Variants in C5 observed in about 807,000 individuals in gnomAD.
C5 encodes the protein complement C5.
A neutral mutation model predicts 218.8 loss-of-function variants in C5; 140 were observed. That is an observed-to-expected ratio of 0.64 (90% confidence interval 0.56 to 0.74). The LOEUF is 0.74. C5 is among the 30% of genes least tolerant of loss of function. C5 has a pLI of 0.00. For missense variants in C5, 1,700 were observed against 1,969.6 expected (o/e 0.86, Z 2.59); for synonymous variants, 614 against 682.3 (o/e 0.90, Z 1.56).
intron 20 of C5, among the ~76,000 whole-genome samples, chr9:121,004,975 C>A (rs1282812649): frequency 1.4e-5 from 1 of 69,406 alleles, no homozygotes; most frequent in East Asian, 4.2e-4. Context: ...CAGAGCGAGA[C>A]TCCGTCTTAA....
At chr9:121,011,092 C>A (rs919121042) in intron 17 of C5, among the ~76,000 whole-genome samples, 3 of 152,122 alleles carry the variant, frequency 2.0e-5, no homozygotes, top group Admixed American at 2.0e-4. Flanking sequence ...TTGAGTAATA[C>A]CCCACTACAC....
intron 5 of C5, 34 bp downstream of exon 5, chr9:121,034,769 G>T (rs370790756): frequency 8.4e-7 from 1 of 1,194,734 alleles, no homozygotes. Context: ...CAAAAGTTCC[G>T]TATGTGGTTT....
chr9:121,054,823 C>T (rs533360614), upstream of C5, among the ~76,000 whole-genome samples: 68 of 152,010 alleles, frequency 4.5e-4, no homozygotes, highest in Middle Eastern at 3.4e-3. Context: ...CCAGGCCTTC[C>T]CTTTCTAGGC....
Position 120,956,794 on chromosome 9 carries a change from T to C in C5, c.4762+491A>G, listed in dbSNP as rs573987265. 5.3e-5 allele frequency among the ~76,000 whole-genome samples: 8 copies of C among 152,152 alleles called. No homozygotes were observed. In the East Asian group the frequency reaches 1.4e-3, roughly 26 times the overall value. ...TAACACAGTAACAGAAAACCAAATA[T>C]CACATATTTTCACTTATAAGTGGGA... On this transcript the variant is annotated intron_variant, in intron 39 of 40. Coordinates refer to ENST00000223642, the MANE Select transcript of C5 (RefSeq NM_001735.3).
chr9:121,050,049 A>T, intron 1 of C5, 133 bp downstream of exon 1: 1 of 772,864 alleles, frequency 1.3e-6, no homozygotes, highest in African/African-American at 1.7e-5. Context: ...TTTCTCATTC[A>T]GAGATGATAC....
chr9:121,070,511 A>G, the C5 span, among the ~76,000 whole-genome samples: 1 of 150,344 alleles, frequency 6.7e-6, no homozygotes, highest in Non-Finnish European at 1.5e-5. Context: ...ATATATATAT[A>G]CATACATACT....
At chr9:121,026,009 C>T (rs2047418735) in intron 8 of C5, 1 of 157,390 alleles carries the variant, frequency 6.4e-6, no homozygotes, top group African/African-American at 2.4e-5. Flanking sequence ...GGGGTTAAGT[C>T]ATATTATATT....
intron 20 of C5, among the ~76,000 whole-genome samples, chr9:121,003,272 C>G (rs970329138): frequency 1.9e-4 from 29 of 150,352 alleles, no homozygotes; most frequent in African/African-American, 7.1e-4. Context: ...GCCTGGGTGA[C>G]AGAGCAAGAC....
At chr9:120,999,365 C>A (rs1453108667) in intron 20 of C5, among the ~76,000 whole-genome samples, 1 of 152,166 alleles carries the variant, frequency 6.6e-6, no homozygotes, top group African/African-American at 2.4e-5. Flanking sequence ...ACCCTGAGGG[C>A]AGGTCCCATT....
intron 28 of C5, among the ~76,000 whole-genome samples, chr9:120,978,752 CA>C (rs1293869014): frequency 1.3e-5 from 2 of 152,164 alleles, no homozygotes; most frequent in Admixed American, 6.5e-5. Flanking sequence ...CTTTATTCTT[CA>C]AAACCAAACA....
chr9:121,032,242 T>C (rs1564160548), intron 5 of C5, 47 bp from the exon 6 acceptor site: 1 of 1,139,064 alleles, frequency 8.8e-7, no homozygotes, highest in Non-Finnish European at 1.3e-6. Context: ...CAAATGTTTT[T>C]AATTCACTCA....
chr9:121,017,868 A>C lies in C5; in HGVS notation c.1507-16T>G. ...TGGATAAAATCTAAAAATAAACAGC[A>C]GCAGCAACAATAAGTAAAAAATAAA... On this transcript the variant is annotated splice_polypyrimidine_tract_variant and intron_variant, in intron 12 of 40. Transcript: ENST00000223642. 6.7e-7 allele frequency: 1 copy of C among 1,481,502 alleles called. No homozygotes were observed. The allele number at this position is 1,481,502 out of a possible 1,614,324, so 91.8% of individuals were successfully genotyped here. A position where few individuals can be genotyped will look rare whatever the true frequency, so the allele number is the denominator to read the frequency against.
At chr9:121,000,380 A>C (rs2047151266) in intron 20 of C5, among the ~76,000 whole-genome samples, 1 of 152,224 alleles carries the variant, frequency 6.6e-6, no homozygotes, top group African/African-American at 2.4e-5. Flanking sequence ...AGAATACCAG[A>C]GAGTACTTGC....
upstream of C5, among the ~76,000 whole-genome samples, chr9:121,053,995 A>C (rs2047685883): frequency 6.6e-6 from 1 of 152,114 alleles, no homozygotes. Context: ...TAGACTAAAC[A>C]TAAAATGCTA....
the C5 span, among the ~76,000 whole-genome samples, chr9:121,056,672 G>A: frequency 6.6e-6 from 1 of 151,604 alleles, no homozygotes; most frequent in Non-Finnish European, 1.5e-5. Flanking sequence ...ATACACAGAG[G>A]AGAAAAAGGA....
the C5 span, among the ~76,000 whole-genome samples, chr9:121,061,471 C>G: frequency 6.6e-6 from 1 of 152,130 alleles, no homozygotes; most frequent in Non-Finnish European, 1.5e-5. Context: ...TTGCTTGAAG[C>G]CAGGAGGTCG....
At chr9:120,966,171 A>G (rs562357466) in intron 33 of C5, among the ~76,000 whole-genome samples, 1 of 152,318 alleles carries the variant, frequency 6.6e-6, no homozygotes, top group Admixed American at 6.5e-5. Flanking sequence ...ACAGAGCCAA[A>G]AGCATATTCC....
chr9:121,073,479 G>T, the C5 span, among the ~76,000 whole-genome samples: 1 of 146,904 alleles, frequency 6.8e-6, no homozygotes, highest in South Asian at 2.2e-4. Flanking sequence ...CTTTCACAGA[G>T]ATTCACTTTT....
the C5 span, among the ~76,000 whole-genome samples, chr9:121,069,043 C>G: frequency 6.6e-6 from 1 of 152,074 alleles, no homozygotes; most frequent in Non-Finnish European, 1.5e-5. Context: ...AACTATAAAA[C>G]TACTAGAAGA....
Sources: allele counts gnomAD v4.1 joint callset (sites outside exome capture counted in the v4.1 genomes callset), GRCh38; gene constraint gnomAD v4.1.1; transcripts MANE v1.5; gene names NCBI Gene and HGNC (gene_info 2026-07-23, HGNC 2026-07-21).